The following PRDM15 variants were observed in gnomAD, a reference collection of about 807,000 sequenced individuals.
PRDM15 encodes PR/SET domain 15.
In PRDM15, 64 loss-of-function variants were observed where a neutral mutation model predicts 128.6. That is an observed-to-expected ratio of 0.50 (90% CI 0.41 to 0.61). PRDM15 has a LOEUF of 0.61. PRDM15 is among the 20% of genes least tolerant of loss of function. The pLI is 0.00. For missense variants in PRDM15, 1,242 were observed against 1,569.1 expected (o/e 0.79, Z 3.52); for synonymous variants, 615 against 621.8 (o/e 0.99, Z 0.16).
chr21:41,838,037 C>T lies in PRDM15; in HGVS notation c.898G>A (p.Val300Ile). 1 of 1,614,176 alleles carries T rather than the reference C, an allele frequency of 6.2e-7. No individual in the cohort carries two copies. Among genetic ancestry groups the T allele is most frequent in the African/African-American group, 1.3e-5 (1 of 75,050 alleles). The change falls in exon 8 of 24, where the codon GTC becomes ATC. Residue 300 changes from valine (V) to isoleucine (I), a missense_variant. Coordinates refer to ENST00000398548, the MANE Select transcript of PRDM15 (RefSeq NM_001040424.3). ...TEQVAEIITE[V>I]PPDEPVSATP... ...GCACTCACAGGCTCATCCGGAGGGACCTCGGTAATGATCTCTGCCACTTGC... is the reference window on the plus strand; with the variant it reads ...GCACTCACAGGCTCATCCGGAGGGATCTCGGTAATGATCTCTGCCACTTGC...
At chr21:41,878,698 G>A (rs764579696) in intron 1 of PRDM15, 3 of 1,567,496 alleles carry the variant, frequency 1.9e-6, no homozygotes, top group South Asian at 2.2e-5. Context: ...CCATCACCAG[G>A]ACTCAGCTTC....
intron 1 of PRDM15, among the ~76,000 whole-genome samples, chr21:41,861,120 C>T (rs1485463903): frequency 6.6e-6 from 1 of 152,194 alleles, no homozygotes; most frequent in Non-Finnish European, 1.5e-5. Context: ...ATGGCACAAG[C>T]CATCGTGCCC....
chr21:41,860,267 A>G, intron 2 of PRDM15, 60 bp downstream of exon 2: 2 of 1,364,502 alleles, frequency 1.5e-6, no homozygotes, highest in Admixed American at 1.7e-5. Context: ...CGCCACGCCC[A>G]TCTGTGTTCT....
At position 41,821,203 on chromosome 21, in the gene PRDM15, G is replaced by A. The variant is rs2062249927; in HGVS notation, c.1924C>T (p.Leu642=). Residue 642 remains leucine, a synonymous_variant, in exon 16 of 24, where the codon CTG becomes TTG. Coordinates refer to ENST00000398548, the MANE Select transcript of PRDM15 (RefSeq NM_001040424.3). The surrounding 1 kb of genome is among the most constrained non-coding windows in gnomAD (Gnocchi z 5.4). ...TTGTGCACCTCCATGATGTGCTTCA[G>A]GTACTCCTTCCCCCGGCCGAAGGTG... ...QLTFGRGKEY[L]KHIMEVHKEK... is the part of the protein sequence containing the mutation. The A allele has an allele frequency of 3.1e-6, 5 of 1,614,066 alleles. No individual in the cohort carries two copies. In the African/African-American group the frequency reaches 5.3e-5, roughly 17 times the overall value.
intron 21 of PRDM15, among the ~76,000 whole-genome samples, chr21:41,808,043 C>T (rs1444155572): frequency 6.6e-6 from 1 of 152,212 alleles, no homozygotes; most frequent in African/African-American, 2.4e-5. Flanking sequence ...TCAGTAAGGC[C>T]TCTCCACCCA....
chr21:41,868,638 A>T (rs2145990290), intron 1 of PRDM15, among the ~76,000 whole-genome samples: 1 of 151,842 alleles, frequency 6.6e-6, no homozygotes, highest in African/African-American at 2.4e-5. Context: ...TAATATTAAT[A>T]AATCCTCTTC....
chr21:41,805,447 T>C (rs958497255), intron 21 of PRDM15, among the ~76,000 whole-genome samples: 4 of 152,214 alleles, frequency 2.6e-5, no homozygotes, highest in African/African-American at 9.7e-5. Flanking sequence ...GACTATGCTT[T>C]GTGGATGTAA....
chr21:41,852,227 C>T (rs1439028988), intron 5 of PRDM15, among the ~76,000 whole-genome samples: 1 of 152,242 alleles, frequency 6.6e-6, no homozygotes, highest in Non-Finnish European at 1.5e-5. Context: ...TGAGGGCATC[C>T]CCCAGGATAC....
At chr21:41,806,030 CCATCACCACCA>C (rs2061567930) in intron 21 of PRDM15, among the ~76,000 whole-genome samples, 2 of 33,128 alleles carry the variant, frequency 6.0e-5, no homozygotes, top group Non-Finnish European at 1.6e-4. Context: ...ACCACCACCA[CCATCACCACCA>C]CCATCACCAC....
At chr21:41,819,232 T>G (rs1490772822) in intron 18 of PRDM15, among the ~76,000 whole-genome samples, 1 of 152,214 alleles carries the variant, frequency 6.6e-6, no homozygotes, top group Non-Finnish European at 1.5e-5. Context: ...GCAATGCCTC[T>G]CGCACTATGG....
At chr21:41,816,830 C>T (rs970335780) in intron 18 of PRDM15, among the ~76,000 whole-genome samples, 14 of 151,980 alleles carry the variant, frequency 9.2e-5, no homozygotes, top group African/African-American at 2.2e-4. Context: ...ACGGCACCTG[C>T]AGGCCTATTA....
At chr21:41,806,048 C>G (rs1568880074) in intron 21 of PRDM15, among the ~76,000 whole-genome samples, 1 of 52,308 alleles carries the variant, frequency 1.9e-5, no homozygotes, top group Non-Finnish European at 4.0e-5. Flanking sequence ...ACCACCATCA[C>G]CACCACCACC....
At chr21:41,834,576 G>C (rs1470996810) in intron 11 of PRDM15, 8 of 1,547,326 alleles carry the variant, frequency 5.2e-6, no homozygotes, top group Middle Eastern at 1.7e-4. Flanking sequence ...TAGAGAGAGG[G>C]GGACACAAAG....
chr21:41,835,962 A>AGGCCTC, intron 10 of PRDM15, 151 bp downstream of exon 10: 1 of 124,748 alleles, frequency 8.0e-6, no homozygotes, highest in Admixed American at 7.0e-5. Context: ...CCTCCCCCAC[A>AGGCCTC]GCCCCCGCCC....
rs1204179162 is a variant in PRDM15, at chr21:41,810,679, C to T, written c.2476+74G>A. Reference sequence around the variant, plus strand: ...TAGATAATAGAATAGTCGTTTCCACCCCAGCAGGCACTCAGACAGCCCCGG... The same window carrying T: ...TAGATAATAGAATAGTCGTTTCCACTCCAGCAGGCACTCAGACAGCCCCGG... On this transcript the variant is annotated intron_variant, in intron 20 of 23. Transcript: ENST00000398548. This position sits in a 1 kb window ranked among gnomAD's most constrained non-coding sequence, Gnocchi z 6.4. The T allele has an allele frequency of 7.7e-6, 9 of 1,175,900 alleles. No individual in the cohort carries two copies. The highest frequency in any genetic ancestry group is 1.0e-5 in the Non-Finnish European group (8 of 785,644). 72.8% of individuals were successfully genotyped at this position (1,175,900 alleles called of 1,614,324 possible). A position where few individuals can be genotyped will look rare whatever the true frequency, so the allele number is the denominator to read the frequency against.
At chr21:41,816,780 C>A (rs2062068171) in intron 18 of PRDM15, among the ~76,000 whole-genome samples, 2 of 152,088 alleles carry the variant, frequency 1.3e-5, no homozygotes, top group African/African-American at 4.8e-5. Context: ...AAGCCCGCTG[C>A]CTGCACACAC....
At position 41,839,750 on chromosome 21, in the gene PRDM15, G is replaced by A. The variant is rs535531164; in HGVS notation, c.744C>T (p.Pro248=). Residue 248 remains proline (P), a synonymous_variant, in exon 7 of 24, where the codon CCC becomes CCT. Transcript: ENST00000398548. ...EKEQDTPRGE[P]PAVPESENVA... ...CATTCTCGCTCTCGGGCACTGCAGG[G>A]GGTTCCCCCCGGGGTGTGTCCTGCT... 1.3e-4 allele frequency: 209 copies of A among 1,614,230 alleles called. 4 individuals carry two copies. Among genetic ancestry groups the A allele is most frequent in the South Asian group, 1.3e-3 (115 of 91,080 alleles).
intron 21 of PRDM15, among the ~76,000 whole-genome samples, chr21:41,809,152 G>A (rs1232420738): frequency 2.0e-5 from 3 of 152,070 alleles, no homozygotes; most frequent in Non-Finnish European, 2.9e-5. Context: ...TGCGCTTCGC[G>A]TGTTTCTCAG....
Position 41,847,171 on chromosome 21 carries a change from T to C in PRDM15, c.559A>G (p.Ser187Gly), listed in dbSNP as rs1292506184. The C allele has an allele frequency of 1.3e-6, 2 of 1,553,422 alleles. No homozygotes were observed. The highest frequency in any genetic ancestry group is 1.4e-5 in the African/African-American group (1 of 73,442). ...CTGGGCTCCGACTCCACGGGGGCGCTGTTTTCTGGGGTGCCTGCAGCTTCA... is the reference window on the plus strand; with the variant it reads ...CTGGGCTCCGACTCCACGGGGGCGCCGTTTTCTGGGGTGCCTGCAGCTTCA... ...GVHAAGTPENSAPVESEPSQW... is the reference protein window; with the variant it reads ...GVHAAGTPENGAPVESEPSQW... Residue 187 changes from serine to glycine, a missense_variant, in exon 6 of 24, where the codon AGC becomes GGC. Coordinates refer to ENST00000398548, the MANE Select transcript of PRDM15 (RefSeq NM_001040424.3).
Sources: gnomAD v4.1 joint callset for allele counts (sites outside exome capture counted in the v4.1 genomes callset) on GRCh38, gnomAD v4.1.1 for gene constraint, Gnocchi (gnomAD v3.1) non-coding constraint, MANE v1.5 for transcripts, NCBI Gene and HGNC (gene_info 2026-07-23, HGNC 2026-07-21) for gene names.